Variants in FGFR1 observed in about 807,000 individuals in gnomAD.
FGFR1 encodes the protein fibroblast growth factor receptor 1.
FGFR1 carries 18 observed loss-of-function variants against 93.7 expected under a neutral mutation model. That is an observed-to-expected ratio of 0.19 (90% CI 0.13 to 0.28). The LOEUF (loss-of-function observed/expected upper bound fraction) is 0.28, where lower values mean the gene tolerates loss of function less well. Ranked by LOEUF, FGFR1 falls within the 10% of genes least tolerant of loss-of-function variation. FGFR1 has a pLI of 1.00. For synonymous variants in FGFR1, 448 were observed against 429.3 expected (o/e 1.04, Z -0.54); for missense variants, 731 against 1,080.4 (o/e 0.68, Z 4.53).
chr8:38,433,924 C>G (rs1375879507), intron 2 of FGFR1, among the ~76,000 whole-genome samples: 1 of 152,202 alleles, frequency 6.6e-6, no homozygotes, highest in Non-Finnish European at 1.5e-5. Flanking sequence ...AGTCACTCCT[C>G]CATCCCCTAT....
intron 7 of FGFR1, chr8:38,423,109 C>T (rs752330575): frequency 2.6e-5 from 20 of 779,488 alleles, no homozygotes; most frequent in Non-Finnish European, 4.1e-5. Flanking sequence ...ACATACTCCC[C>T]GCTCTGGGCC....
At chr8:38,457,183 C>A (rs1833059363) in intron 2 of FGFR1, among the ~76,000 whole-genome samples, 173 bp downstream of exon 2, 1 of 152,210 alleles carries the variant, frequency 6.6e-6, no homozygotes, top group African/African-American at 2.4e-5. Flanking sequence ...TATAACCAGA[C>A]CAGAACCAAC....
At chr8:38,428,242 G>A (rs1185888705) in intron 4 of FGFR1, 104 bp downstream of exon 4, 51 of 1,454,326 alleles carry the variant, frequency 3.5e-5, no homozygotes, top group Non-Finnish European at 4.8e-5. Context: ...AACAGGCACC[G>A]TGACCCCATG....
At position 38,445,981 on chromosome 8, in the gene FGFR1, C is replaced by T. The variant is rs113448361; in HGVS notation, c.91+11375G>A. 5.8e-3 allele frequency among the ~76,000 whole-genome samples: 890 copies of T among 152,182 alleles called. 13 individuals are homozygous for T. The highest frequency in any genetic ancestry group is 0.02 in the African/African-American group (845 of 41,518). On this transcript the variant is annotated intron_variant, in intron 2 of 17. Transcript: ENST00000447712. ...AATAAACCTTAATTCCAAAAGTAAA[C>T]TCTGGAGTTTGACACCAGAGGAGGA...
At chr8:38,449,127 A>G (rs1830295818) in intron 2 of FGFR1, among the ~76,000 whole-genome samples, 1 of 152,070 alleles carries the variant, frequency 6.6e-6, no homozygotes. Context: ...CACAGAAAAA[A>G]GAAAAAGAGA....
chr8:38,420,421 T>G (rs949896894), intron 8 of FGFR1: 1 of 152,298 alleles, frequency 6.6e-6, no homozygotes, highest in Non-Finnish European at 1.5e-5. Flanking sequence ...TTTCCAAAAA[T>G]AAGCTTTTTT....
chr8:38,418,164 C>G, intron 10 of FGFR1, 64 bp downstream of exon 10: 2 of 1,612,816 alleles, frequency 1.2e-6, no homozygotes, highest in Non-Finnish European at 1.7e-6. Context: ...GTATACACAC[C>G]TTCCACCACT....
At position 38,413,355 on chromosome 8, in the gene FGFR1, C is replaced by T. The variant is rs1456641382; in HGVS notation, c.*273G>A. ...CTGCCCTCCAGGCAGTGCCTGGTGG[C>T]AGGGAGGGGTGTTGGTCCAACATCT... is the stretch of plus-strand genomic sequence containing the variant. On this transcript the variant is annotated 3_prime_UTR_variant, in exon 18 of 18. Transcript: ENST00000447712. The surrounding 1 kb of genome is among the most constrained non-coding windows in gnomAD (Gnocchi z 4.2). 1.4e-5 allele frequency: 7 copies of T among 517,866 alleles called. No individual in the cohort carries two copies. Among genetic ancestry groups the T allele is most frequent in the Non-Finnish European group, 2.0e-5 (6 of 292,698 alleles). The allele number at this position is 517,866 out of a possible 1,614,324, so 32.1% of individuals were successfully genotyped here. A position where few individuals can be genotyped will look rare whatever the true frequency, so the allele number is the denominator to read the frequency against.
At chr8:38,443,535 T>C (rs911303020) in intron 2 of FGFR1, among the ~76,000 whole-genome samples, 32 of 149,696 alleles carry the variant, frequency 2.1e-4, no homozygotes, top group African/African-American at 6.4e-4. Flanking sequence ...TAGCCAGGCA[T>C]GGTAGCGTGC....
chr8:38,429,838 G>T lies in FGFR1; in HGVS notation c.202C>A (p.Arg68=), dbSNP rs775895631. Residue 68 remains arginine, a synonymous_variant, in exon 3 of 18, where the codon CGG becomes AGG. Coordinates refer to ENST00000447712, the MANE Select transcript of FGFR1 (RefSeq NM_023110.3). The surrounding 1 kb of genome is among the most constrained non-coding windows in gnomAD (Gnocchi z 4.4). ...RDDVQSINWL[R]DGVQLAESNR... The stretch of plus-strand genomic sequence containing the variant: ...CTTTCCGCCAGCTGCACCCCGTCCC[G>T]CAGCCAGTTGATGCTCTGCACATCG... 2 of 1,613,882 alleles carry T rather than the reference G, an allele frequency of 1.2e-6. No homozygotes were observed. The highest frequency in any genetic ancestry group is 2.2e-5 in the South Asian group (2 of 91,046).
intron 2 of FGFR1, among the ~76,000 whole-genome samples, chr8:38,455,278 A>ATAGT (rs1832481011): frequency 6.6e-6 from 1 of 151,854 alleles, no homozygotes; most frequent in Non-Finnish European, 1.5e-5. Flanking sequence ...TGGCCTAAGT[A>ATAGT]TAGTTTTCTT....
At chr8:38,440,521 AC>A in intron 2 of FGFR1, 1 of 543,168 alleles carries the variant, frequency 1.8e-6, no homozygotes, top group South Asian at 3.8e-5. Flanking sequence ...AGGGCCTGAC[AC>A]CCAGGGCCAA....
chr8:38,427,213 ATTAT>A (rs989888659), intron 5 of FGFR1, among the ~76,000 whole-genome samples: 3 of 152,184 alleles, frequency 2.0e-5, no homozygotes, highest in Admixed American at 6.5e-5. Flanking sequence ...TCACTGCAAC[ATTAT>A]TTATTATGGT....
intron 1 of FGFR1, chr8:38,465,829 A>C (rs1586819733): frequency 1.8e-5 from 4 of 219,530 alleles, no homozygotes; most frequent in African/African-American, 6.7e-5. Context: ...GCTAGATAGT[A>C]TTCCAAAAAA....
intron 2 of FGFR1, chr8:38,434,809 A>G (rs1824683378): frequency 6.5e-6 from 1 of 153,738 alleles, no homozygotes; most frequent in African/African-American, 2.4e-5. Flanking sequence ...GAATGGGCAG[A>G]CTGCAACTCT....
rs267606806 is a variant in FGFR1 at position 38,414,166 on chromosome 8, G to A, written c.2172C>T (p.Asn724=). ...CTCGGGCTTACAGCTCGTTGGTGCA[G>A]TTACTGGGCTTGTCCATGCGGTGAC... ...KEGHRMDKPS[N]CTNELYMMMR... is the part of the protein sequence containing the mutation. The change falls in exon 16 of 18, where the codon AAC becomes AAT. Residue 724 remains asparagine (N), a synonymous_variant. Transcript: ENST00000447712. 1.7e-5 allele frequency: 27 copies of A among 1,614,212 alleles called. No individual in the cohort carries two copies. The highest frequency in any genetic ancestry group is 2.3e-5 in the Non-Finnish European group (27 of 1,180,034).
chr8:38,424,766 A>C lies in FGFR1; in HGVS notation c.746-67T>G. The C allele has an allele frequency of 3.2e-5, 49 of 1,536,030 alleles. No homozygotes were observed. Among genetic ancestry groups the C allele is most frequent in the Non-Finnish European group, 4.2e-5 (47 of 1,125,162 alleles). ...GCCATGGCTAAAGAGGGGTGGGCTCACCTGCGCCCCACTTGGCTTTCCCAG... is the reference window on the plus strand; with the variant it reads ...GCCATGGCTAAAGAGGGGTGGGCTCCCCTGCGCCCCACTTGGCTTTCCCAG... On this transcript the variant is annotated intron_variant, in intron 6 of 17. Transcript: ENST00000447712. This position sits in a 1 kb window ranked among gnomAD's most constrained non-coding sequence, Gnocchi z 4.3.
chr8:38,414,495 G>A (rs2150545526), intron 15 of FGFR1, 64 bp downstream of exon 15: 2 of 1,587,216 alleles, frequency 1.3e-6, no homozygotes, highest in Non-Finnish European at 1.7e-6. Context: ...GGAGAAAGCA[G>A]GACTCTACAG....
chr8:38,466,897 C>T (rs1381952895), intron 1 of FGFR1, among the ~76,000 whole-genome samples: 3 of 6,260 alleles, frequency 4.8e-4, no homozygotes, highest in Non-Finnish European at 2.5e-3. Flanking sequence ...CACACCCCAC[C>T]CCCCCCCCAC....
Sources: allele counts gnomAD v4.1 joint callset (sites outside exome capture counted in the v4.1 genomes callset), GRCh38; gene constraint gnomAD v4.1.1; non-coding constraint Gnocchi (gnomAD v3.1); transcripts MANE v1.5; gene names NCBI Gene and HGNC (gene_info 2026-07-23, HGNC 2026-07-21).